CACNB2: variants seen among roughly 807,000 people sequenced by gnomAD.
CACNB2 encodes voltage-dependent L-type calcium channel subunit beta-2.
In CACNB2, 42 loss-of-function variants were observed where a neutral mutation model predicts 73.3. That is an observed-to-expected ratio of 0.57 (90% CI 0.45 to 0.74). The LOEUF is 0.74. Ranked by LOEUF, CACNB2 falls within the 30% of genes least tolerant of loss-of-function variation. The pLI is 0.00. For missense variants in CACNB2, 940 were observed against 853.0 expected (o/e 1.10, Z -1.27); for synonymous variants, 348 against 310.3 (o/e 1.12, Z -1.28).
chr10:18,313,017 G>C (rs995975008), intron 2 of CACNB2, among the ~76,000 whole-genome samples: 2 of 152,104 alleles, frequency 1.3e-5, no homozygotes, highest in African/African-American at 4.8e-5. Context: ...TAATAAATTT[G>C]AACAGGATGA....
At chr10:18,246,299 C>T (rs2036856301) in intron 2 of CACNB2, among the ~76,000 whole-genome samples, 1 of 152,170 alleles carries the variant, frequency 6.6e-6, no homozygotes, top group Admixed American at 6.5e-5. Flanking sequence ...CAGCACATAA[C>T]AAGCACTCTA....
At chr10:18,292,288 G>C (rs567776767) in intron 2 of CACNB2, among the ~76,000 whole-genome samples, 1 of 152,166 alleles carries the variant, frequency 6.6e-6, no homozygotes, top group Non-Finnish European at 1.5e-5. Flanking sequence ...CTCAATCAAT[G>C]ATAGACATGT....
chr10:18,517,716 T>A (rs958308002), intron 7 of CACNB2, among the ~76,000 whole-genome samples: 2 of 152,156 alleles, frequency 1.3e-5, no homozygotes, highest in Non-Finnish European at 2.9e-5. Context: ...TGAGCAGGGA[T>A]CATGATTACT....
chr10:18,481,958 C>T (rs553595471), intron 3 of CACNB2, among the ~76,000 whole-genome samples: 58 of 152,276 alleles, frequency 3.8e-4, no homozygotes, highest in African/African-American at 1.1e-3. Context: ...GGCGCGATCT[C>T]GGCTTACTGC....
At chr10:18,535,283 AAAG>A (rs1262816170) in intron 11 of CACNB2, among the ~76,000 whole-genome samples, 2 of 152,196 alleles carry the variant, frequency 1.3e-5, no homozygotes, top group African/African-American at 2.4e-5. Context: ...GTGTAGTATC[AAAG>A]AAGACTATAC....
chr10:18,476,321 C>T (rs1226360185), intron 3 of CACNB2, among the ~76,000 whole-genome samples: 2 of 152,072 alleles, frequency 1.3e-5, no homozygotes, highest in African/African-American at 2.4e-5. Flanking sequence ...TGGACAAAAC[C>T]CACAAAGCAA....
At chr10:18,300,405 GCTA>G (rs557558299) in intron 2 of CACNB2, among the ~76,000 whole-genome samples, 93 of 152,284 alleles carry the variant, frequency 6.1e-4, no homozygotes, top group African/African-American at 2.2e-3. Context: ...TTTCATTGCT[GCTA>G]CTTCTACTAA....
Position 18,140,698 on chromosome 10 carries a change from CGG to C in CACNB2, c.-35_-34del. 1 of 1,565,896 alleles carries C rather than the reference CGG, an allele frequency of 6.4e-7. No homozygotes were observed. Among genetic ancestry groups the C allele is most frequent in the Non-Finnish European group, 8.7e-7 (1 of 1,152,254 alleles). On this transcript the variant is annotated 5_prime_UTR_variant, in exon 1 of 14. Coordinates refer to ENST00000324631, the MANE Select transcript of CACNB2 (RefSeq NM_201596.3). Reference sequence around the variant, plus strand: ...GGGCGAGGAGGAGGGGACCCGCCGCCGGGGGCTGGCTGCTTCGCTCCGAGCCG... The same window carrying C: ...GGGCGAGGAGGAGGGGACCCGCCGCCGGGCTGGCTGCTTCGCTCCGAGCCG...
intron 1 of CACNB2, chr10:18,141,319 G>A (rs1243604322): frequency 2.9e-6 from 3 of 1,030,322 alleles, no homozygotes; most frequent in South Asian, 1.4e-5. Context: ...GTGTGAGGAT[G>A]ATGGGGTGCA....
At chr10:18,465,535 G>A (rs548426887) in intron 3 of CACNB2, among the ~76,000 whole-genome samples, 10 of 152,178 alleles carry the variant, frequency 6.6e-5, no homozygotes, top group South Asian at 4.2e-4. Context: ...AGTCCCAAGC[G>A]TGTGTTCCTC....
At chr10:18,493,375 T>C (rs1056393264) in intron 3 of CACNB2, among the ~76,000 whole-genome samples, 2 of 151,960 alleles carry the variant, frequency 1.3e-5, no homozygotes, top group Admixed American at 6.6e-5. Context: ...TCCATGTTGG[T>C]CAGGCTGGTC....
At chr10:18,480,903 A>G (rs2132837540) in intron 3 of CACNB2, among the ~76,000 whole-genome samples, 1 of 152,280 alleles carries the variant, frequency 6.6e-6, no homozygotes, top group Middle Eastern at 3.4e-3. Context: ...GTCTAAGGAA[A>G]TAAGGATAAA....
intron 2 of CACNB2, among the ~76,000 whole-genome samples, chr10:18,241,440 G>A (rs889761386): frequency 6.6e-6 from 1 of 152,150 alleles, no homozygotes; most frequent in African/African-American, 2.4e-5. Flanking sequence ...GTCACGAGGT[G>A]GGAGGCTAGG....
At chr10:18,307,983 C>CTTTTTTTTATTTTTTTT (rs2039804312) in intron 2 of CACNB2, among the ~76,000 whole-genome samples, 1 of 70,268 alleles carries the variant, frequency 1.4e-5, no homozygotes, top group Non-Finnish European at 2.7e-5. Context: ...TATATGCCAA[C>CTTTTTTTTATTTTTTTT]TTTTTTTTTT....
chr10:18,201,237 G>A lies in CACNB2; in HGVS notation c.213+50262G>A, dbSNP rs946361132. On this transcript the variant is annotated intron_variant, in intron 2 of 13. Coordinates refer to ENST00000324631, the MANE Select transcript of CACNB2 (RefSeq NM_201596.3). ...AATTTTCAAAACAGTAGTCCTGATC[G>A]ATTTCTCACATACCTGCCTTATAAT... Among the ~76,000 whole-genome samples the A allele has an allele frequency of 4.6e-5, 7 of 150,586 alleles. No homozygotes were observed. In the South Asian group the frequency reaches 6.3e-4, roughly 14 times the overall value.
chr10:18,182,359 G>C (rs1456995246), intron 2 of CACNB2, among the ~76,000 whole-genome samples: 2 of 151,230 alleles, frequency 1.3e-5, no homozygotes, highest in African/African-American at 2.4e-5. Context: ...AGGTAGAAGG[G>C]GTAAAAATGT....
chr10:18,533,211 T>A (rs917866772), intron 10 of CACNB2: 3 of 152,214 alleles, frequency 2.0e-5, no homozygotes, highest in African/African-American at 7.2e-5. Context: ...CTATGCTTTA[T>A]AGACCTATGC....
intron 3 of CACNB2, among the ~76,000 whole-genome samples, chr10:18,422,946 T>C (rs1378613713): frequency 2.6e-5 from 4 of 152,228 alleles, no homozygotes; most frequent in Non-Finnish European, 5.9e-5. Context: ...GATCCACCCA[T>C]GTTGGCTTCC....
chr10:18,537,270 G>A (rs1386179252), intron 12 of CACNB2, among the ~76,000 whole-genome samples: 3 of 152,034 alleles, frequency 2.0e-5, no homozygotes, highest in Non-Finnish European at 4.4e-5. Context: ...TTACAGGCAT[G>A]AGCCACTGCA....
Sources: allele counts gnomAD v4.1 joint callset (sites outside exome capture counted in the v4.1 genomes callset), GRCh38; gene constraint gnomAD v4.1.1; transcripts MANE v1.5; gene names NCBI Gene and HGNC (gene_info 2026-07-23, HGNC 2026-07-21).